The following DPP6 variants were observed in gnomAD, a reference collection of about 807,000 sequenced individuals.
DPP6 encodes dipeptidyl peptidase like 6.
In DPP6, 69 loss-of-function variants were observed where a neutral mutation model predicts 122.6. The observed-to-expected ratio is 0.56, with a 90% CI of 0.46 to 0.69. The LOEUF (loss-of-function observed/expected upper bound fraction) is 0.69, where lower values mean the gene tolerates loss of function less well. Ranked by LOEUF, DPP6 falls within the 30% of genes least tolerant of loss-of-function variation. The probability of loss-of-function intolerance (pLI) is 0.00; values close to 1 mark genes in which losing one functional copy is unlikely to be tolerated. For missense variants in DPP6, 928 were observed against 1,116.9 expected, an observed-to-expected ratio of 0.83 and a Z score of 2.41; for synonymous variants, 418 against 433.1, an observed-to-expected ratio of 0.97 and a Z score of 0.43.
intron 16 of DPP6, among the ~76,000 whole-genome samples, chr7:154,816,520 G>T (rs1308250220): frequency 6.6e-6 from 1 of 152,182 alleles, no homozygotes; most frequent in African/African-American, 2.4e-5. Context: ...TACCTGTCCT[G>T]TGAGGCTGTT....
intron 1 of DPP6, among the ~76,000 whole-genome samples, chr7:154,061,058 C>T (rs140470029): frequency 2.1e-5 from 3 of 141,156 alleles, no homozygotes; most frequent in African/African-American, 5.1e-5. Flanking sequence ...ATTTACGATC[C>T]GACGGGTCCG....
At chr7:154,861,650 A>G (rs906075082) in intron 17 of DPP6, among the ~76,000 whole-genome samples, 1 of 152,220 alleles carries the variant, frequency 6.6e-6, no homozygotes, top group African/African-American at 2.4e-5. Context: ...TGTTCACATC[A>G]AGCAATTAGG....
At chr7:154,812,610 C>T (rs184925741) in intron 16 of DPP6, among the ~76,000 whole-genome samples, 28 of 152,186 alleles carry the variant, frequency 1.8e-4, no homozygotes, top group Admixed American at 1.8e-3. Context: ...TAATGCCATT[C>T]CCAAGGGTTC....
chr7:153,870,254 T>C, the DPP6 span, among the ~76,000 whole-genome samples: 4 of 152,242 alleles, frequency 2.6e-5, no homozygotes, highest in Non-Finnish European at 5.9e-5. Flanking sequence ...ATTTTCCAAC[T>C]TGATTCCATT....
At chr7:153,801,757 G>A in the DPP6 span, among the ~76,000 whole-genome samples, 1 of 152,174 alleles carries the variant, frequency 6.6e-6, no homozygotes, top group Non-Finnish European at 1.5e-5. Context: ...CCCCAAGAAA[G>A]TACATAAACA....
At chr7:153,876,537 G>A in the DPP6 span, among the ~76,000 whole-genome samples, 1 of 151,788 alleles carries the variant, frequency 6.6e-6, no homozygotes, top group Non-Finnish European at 1.5e-5. Context: ...TTAAATATTT[G>A]TAAATTATTT....
At chr7:154,132,322 G>A (rs71221689) in intron 1 of DPP6, among the ~76,000 whole-genome samples, 9 of 152,116 alleles carry the variant, frequency 5.9e-5, no homozygotes, top group Non-Finnish European at 1.2e-4. Context: ...AAAAGGAAAC[G>A]AGTAACTGAC....
intron 7 of DPP6, among the ~76,000 whole-genome samples, chr7:154,696,213 T>G (rs1156772611): frequency 6.6e-6 from 1 of 152,180 alleles, no homozygotes; most frequent in Non-Finnish European, 1.5e-5. Flanking sequence ...TCTGGGCTTT[T>G]GTGAACTGAC....
chr7:154,177,021 A>G (rs747763012), intron 1 of DPP6, among the ~76,000 whole-genome samples: 11 of 152,030 alleles, frequency 7.2e-5, no homozygotes, highest in Non-Finnish European at 1.5e-4. Flanking sequence ...TTTTGTAGAG[A>G]TGGAGTCTCG....
chr7:154,113,412 T>TATATATATATATATATATATATACAC (rs1472172445), intron 1 of DPP6, among the ~76,000 whole-genome samples: 12 of 141,548 alleles, frequency 8.5e-5, no homozygotes, highest in Admixed American at 2.9e-4. Context: ...TATATATATA[T>TATATATATATATATATATATATACAC]ACACACACAC....
chr7:154,312,432 G>A (rs183756797), intron 1 of DPP6, among the ~76,000 whole-genome samples: 3 of 142,822 alleles, frequency 2.1e-5, no homozygotes, highest in South Asian at 2.2e-4. Flanking sequence ...TAGTGACAAT[G>A]TATGTAATTA....
intron 4 of DPP6, among the ~76,000 whole-genome samples, chr7:154,561,122 C>A (rs1293807868): frequency 6.6e-6 from 1 of 152,078 alleles, no homozygotes; most frequent in Non-Finnish European, 1.5e-5. Flanking sequence ...TTGGTTGAAC[C>A]AAAAGAAGAA....
intron 11 of DPP6, 98 bp downstream of exon 11, chr7:154,794,300 G>A: frequency 7.1e-7 from 1 of 1,408,502 alleles, no homozygotes. Flanking sequence ...TCGGGCCTGG[G>A]ACTTGGGGAC....
At position 154,516,017 on chromosome 7, in the gene DPP6, C is replaced by T. The variant is rs189531276; in HGVS notation, c.458-24515C>T. On this transcript the variant is annotated intron_variant, in intron 3 of 25. Coordinates refer to ENST00000377770, the MANE Select transcript of DPP6 (RefSeq NM_130797.4). Reference sequence around the variant, plus strand: ...CAAATTCGATCCATGGTATACATTACACCTACTACCTTTTCTGATTTCTTT... The same window carrying T: ...CAAATTCGATCCATGGTATACATTATACCTACTACCTTTTCTGATTTCTTT... Among the ~76,000 whole-genome samples, 12 of 152,326 alleles carry T rather than the reference C, an allele frequency of 7.9e-5. No individual in the cohort carries two copies. The East Asian group carries it at 2.3e-3, about 29-fold the overall frequency.
At chr7:153,864,072 T>C in the DPP6 span, among the ~76,000 whole-genome samples, 1 of 152,220 alleles carries the variant, frequency 6.6e-6, no homozygotes, top group Non-Finnish European at 1.5e-5. Flanking sequence ...TCTGGGCATG[T>C]GTTTTCATTT....
At chr7:154,508,682 TC>T (rs1194161650) in intron 3 of DPP6, among the ~76,000 whole-genome samples, 1 of 152,140 alleles carries the variant, frequency 6.6e-6, no homozygotes, top group Non-Finnish European at 1.5e-5. Context: ...AGGCACACAG[TC>T]CCCAACTAAC....
chr7:154,463,287 A>T (rs1293588368), intron 2 of DPP6, among the ~76,000 whole-genome samples: 1 of 138,698 alleles, frequency 7.2e-6, no homozygotes, highest in Non-Finnish European at 1.5e-5. Flanking sequence ...GACTCACTGC[A>T]AGCTCCGCCT....
chr7:153,824,346 C>T, the DPP6 span, among the ~76,000 whole-genome samples: 2 of 144,822 alleles, frequency 1.4e-5, no homozygotes, highest in African/African-American at 2.6e-5. Context: ...AAGATCACAC[C>T]ACTGCACTCC....
the DPP6 span, among the ~76,000 whole-genome samples, chr7:153,831,667 T>A: frequency 6.6e-6 from 1 of 152,244 alleles, no homozygotes; most frequent in Admixed American, 6.5e-5. Context: ...TCATATAATT[T>A]TTTGTGTCAC....
Sources: allele counts gnomAD v4.1 joint callset (sites outside exome capture counted in the v4.1 genomes callset), GRCh38; gene constraint gnomAD v4.1.1; transcripts MANE v1.5; gene names NCBI Gene and HGNC (gene_info 2026-07-23, HGNC 2026-07-21).